The following GREB1 variants were observed in gnomAD, a reference collection of about 807,000 sequenced individuals.
GREB1 encodes the protein growth regulating estrogen receptor binding 1, also known as protein GREB1.
GREB1 carries 106 observed loss-of-function variants against 200.7 expected under a neutral mutation model. That is an observed-to-expected ratio of 0.53 (90% CI 0.45 to 0.62). GREB1 has a LOEUF of 0.62. Among genes scored for constraint, GREB1 ranks in the 20% least tolerant of loss-of-function variants. GREB1 has a pLI of 0.00. For missense variants in GREB1, 2,243 were observed against 2,556.8 expected, an observed-to-expected ratio of 0.88 and a Z score of 2.65; for synonymous variants, 1,132 against 1,092.4, an observed-to-expected ratio of 1.04 and a Z score of -0.72.
chr2:11,618,661 C>T lies in GREB1; in HGVS notation c.3786C>T (p.Pro1262=). ...GCCAGCCACCCATTGTCTTCTTGCC[C>T]AAGCTCGTGTACGACATGGTTGTGT... ...ACRQPPIVFL[P]KLVYDMVVST... is the part of the protein sequence containing the mutation. The change falls in exon 22 of 33, where the codon CCC becomes CCT. Residue 1262 remains proline, a synonymous_variant. Coordinates refer to ENST00000381486, the MANE Select transcript of GREB1 (RefSeq NM_014668.4). The T allele has an allele frequency of 1.2e-6, 2 of 1,613,756 alleles. No homozygotes were observed. Among genetic ancestry groups the T allele is most frequent in the East Asian group, 2.2e-5 (1 of 44,868 alleles).
intron 1 of GREB1, among the ~76,000 whole-genome samples, chr2:11,501,920 T>TTTTTTTTTTTTTTTTTTTTTTTG (rs1558486277): frequency 8.5e-6 from 1 of 118,028 alleles, no homozygotes; most frequent in Non-Finnish European, 1.8e-5. Context: ...TTTTTTTTTT[T>TTTTTTTTTTTTTTTTTTTTTTTG]TTTTTTTTTT....
intron 1 of GREB1, among the ~76,000 whole-genome samples, chr2:11,507,413 A>AC (rs1036091182): frequency 2.6e-5 from 4 of 151,672 alleles, no homozygotes; most frequent in Non-Finnish European, 4.4e-5. Flanking sequence ...CAAAAAAAAA[A>AC]AAAAACCATA....
intron 17 of GREB1, among the ~76,000 whole-genome samples, chr2:11,607,460 G>GTA (rs780299705): frequency 1.1e-4 from 4 of 36,894 alleles, no homozygotes; most frequent in Admixed American, 5.9e-4. Context: ...GTGTGTGTGT[G>GTA]TATATATATA....
intron 7 of GREB1, among the ~76,000 whole-genome samples, chr2:11,582,965 C>A: frequency 6.6e-6 from 1 of 152,284 alleles, no homozygotes; most frequent in Admixed American, 6.5e-5. Context: ...GTCTTACTGG[C>A]ATTTGGTGCT....
chr2:11,542,480 G>A (rs948310522), intron 1 of GREB1, among the ~76,000 whole-genome samples: 3 of 152,154 alleles, frequency 2.0e-5, no homozygotes, highest in Non-Finnish European at 4.4e-5. Flanking sequence ...TGAGAGGAAC[G>A]AGGGGAAGAG....
intron 1 of GREB1, among the ~76,000 whole-genome samples, chr2:11,554,441 A>G (rs541534373): frequency 1.9e-4 from 29 of 152,344 alleles, no homozygotes; most frequent in African/African-American, 6.7e-4. Flanking sequence ...GAACTCTTTC[A>G]GGGCATGAAG....
intron 17 of GREB1, among the ~76,000 whole-genome samples, chr2:11,607,065 G>A (rs1682371993): frequency 6.7e-6 from 1 of 150,102 alleles, no homozygotes; most frequent in East Asian, 2.0e-4. Context: ...ACAGGCGTGA[G>A]CCACCATGCC....
chr2:11,566,434 T>TCTGGGAAGCC (rs749045781), intron 3 of GREB1, 46 bp from the exon 4 acceptor site: 1 of 1,540,066 alleles, frequency 6.5e-7, no homozygotes, highest in Non-Finnish European at 8.8e-7. Flanking sequence ...TGACCCCGCT[T>TCTGGGAAGCC]CTGGGAAGCC....
chr2:11,571,243 G>T (rs1394564475), intron 4 of GREB1, among the ~76,000 whole-genome samples: 1 of 152,096 alleles, frequency 6.6e-6, no homozygotes, highest in Non-Finnish European at 1.5e-5. Flanking sequence ...TAGTTGCTAG[G>T]TATAGTGTGT....
Position 11,593,125 on chromosome 2 carries a change from C to G in GREB1, c.1695C>G (p.Thr565=), listed in dbSNP as rs753297960. The stretch of plus-strand genomic sequence containing the variant: ...CCATCGACTCCTGCATCGCCGTCAC[C>G]GGTGAGCTCTGGGCCGCGCGGCTGC... ...SAAIDSCIAV[T]GKYQARILSE... is the part of the protein sequence containing the mutation. The change falls in exon 11 of 33, where the codon ACC becomes ACG. Residue 565 remains threonine, a splice_region_variant and synonymous_variant. Coordinates refer to ENST00000381486, the MANE Select transcript of GREB1 (RefSeq NM_014668.4). 2 of 1,594,442 alleles carry G rather than the reference C, an allele frequency of 1.3e-6. No homozygotes were observed. The highest frequency in any genetic ancestry group is 1.1e-5 in the South Asian group (1 of 88,608).
chr2:11,591,668 G>T (rs931604462), intron 10 of GREB1: 2 of 517,956 alleles, frequency 3.9e-6, no homozygotes, highest in African/African-American at 1.9e-5. Context: ...TGTAGTAGCT[G>T]GTTCTGTAAA....
Position 11,576,652 on chromosome 2 carries a change from A to G in GREB1, c.637+117A>G, listed in dbSNP as rs73193209. ...GCATAGCAGCACACATCACGGGCAA[A>G]AGGCCAGGCCTATGAAATGGAAAAT... is the stretch of plus-strand genomic sequence containing the variant. On this transcript the variant is annotated intron_variant, in intron 5 of 32. Transcript: ENST00000381486. 4.4e-3 allele frequency: 3,169 copies of G among 726,532 alleles called. 78 individuals carry two copies. The African/African-American group carries it at 0.05, about 12-fold the overall frequency. The allele number at this position is 726,532 out of a possible 1,614,324, so 45.0% of individuals were successfully genotyped here. A position where few individuals can be genotyped will look rare whatever the true frequency, so the allele number is the denominator to read the frequency against.
intron 23 of GREB1, among the ~76,000 whole-genome samples, chr2:11,622,744 G>A (rs1474685379): frequency 6.6e-6 from 1 of 152,218 alleles, no homozygotes. Flanking sequence ...AGCTATGCAG[G>A]TTTTGCTGGC....
intron 23 of GREB1, among the ~76,000 whole-genome samples, chr2:11,624,847 A>G (rs538142936): frequency 4.0e-4 from 61 of 152,054 alleles, no homozygotes; most frequent in African/African-American, 1.2e-3. Context: ...AACAGCTATC[A>G]TTAGTGTTAG....
At chr2:11,596,978 T>C (rs980016318) in intron 13 of GREB1, among the ~76,000 whole-genome samples, 6 of 151,476 alleles carry the variant, frequency 4.0e-5, no homozygotes, top group African/African-American at 1.2e-4. Context: ...GGCACAGATA[T>C]GCTCAGTGAC....
At position 11,597,955 on chromosome 2, in the gene GREB1, C is replaced by T. The variant is rs150926971; in HGVS notation, c.2129C>T (p.Thr710Ile). ...CCCTCAGAAGTGACCTACCAGCAGA[C>T]TCTGCTCCATGTGTGGCATTCAGGT... ...IPPSEVTYQQ[T>I]LLHVWHSGVL... The change falls in exon 14 of 33, where the codon ACT (threonine) becomes ATT (isoleucine). Residue 710 changes from threonine (T) to isoleucine (I), a missense_variant. Physicochemically the swap from Thr to Ile is moderately conservative, Grantham distance 89. Transcript: ENST00000381486. This position sits in a 1 kb window ranked among gnomAD's most constrained non-coding sequence, Gnocchi z 4.1. 3.4e-3 allele frequency: 5,455 copies of T among 1,613,882 alleles called. 16 individuals carry two copies. Among genetic ancestry groups the T allele is most frequent in the Non-Finnish European group, 4.2e-3 (4,950 of 1,179,710 alleles).
intron 1 of GREB1, among the ~76,000 whole-genome samples, chr2:11,552,528 G>C (rs1240398188): frequency 6.6e-6 from 1 of 152,150 alleles, no homozygotes; most frequent in Admixed American, 6.5e-5. Context: ...GTTCTCCACT[G>C]GTCAAATGAC....
chr2:11,587,282 T>C, intron 9 of GREB1: 3 of 895,886 alleles, frequency 3.3e-6, no homozygotes, highest in Middle Eastern at 2.2e-4. Context: ...TAGATTCCCT[T>C]TCCTCTGCCC....
At chr2:11,511,092 C>T (rs1027023794) in intron 1 of GREB1, among the ~76,000 whole-genome samples, 2 of 152,294 alleles carry the variant, frequency 1.3e-5, no homozygotes, top group Middle Eastern at 3.4e-3. Context: ...ACATTGGCTT[C>T]TGCAGGGCCA....
Sources: allele counts gnomAD v4.1 joint callset (sites outside exome capture counted in the v4.1 genomes callset), GRCh38; gene constraint gnomAD v4.1.1; non-coding constraint Gnocchi (gnomAD v3.1); transcripts MANE v1.5; gene names NCBI Gene and HGNC (gene_info 2026-07-23, HGNC 2026-07-21).